TRPM3: variants seen among roughly 807,000 people sequenced by gnomAD.
TRPM3 encodes the protein long transient receptor potential channel 3.
TRPM3 carries 77 observed loss-of-function variants against 181.2 expected under a neutral mutation model. The observed-to-expected ratio is 0.42, with a 90% CI of 0.35 to 0.51. The LOEUF (loss-of-function observed/expected upper bound fraction) is 0.51, where lower values mean the gene tolerates loss of function less well. TRPM3 is among the 20% of genes least tolerant of loss of function. The pLI is 0.01. For synonymous variants in TRPM3, 745 were observed against 796.4 expected (o/e 0.94, Z 1.09); for missense variants, 1,759 against 2,196.7 (o/e 0.80, Z 3.98).
intron 8 of TRPM3, among the ~76,000 whole-genome samples, chr9:70,754,297 A>G (rs956484413): frequency 2.0e-5 from 3 of 152,174 alleles, no homozygotes; most frequent in African/African-American, 4.8e-5. Context: ...GAGGAAGATA[A>G]TAGAGAGACA....
chr9:70,806,081 C>T (rs1412111873), intron 6 of TRPM3, among the ~76,000 whole-genome samples: 1 of 152,164 alleles, frequency 6.6e-6, no homozygotes, highest in Non-Finnish European at 1.5e-5. Context: ...GCCCAGTACC[C>T]CATGTGAACC....
chr9:70,850,667 G>A (rs1483752655), intron 3 of TRPM3, among the ~76,000 whole-genome samples: 2 of 152,166 alleles, frequency 1.3e-5, no homozygotes, highest in Non-Finnish European at 2.9e-5. Context: ...GAGTAGTGTG[G>A]TTTAGCGACT....
chr9:70,640,454 C>A (rs2057892159), intron 10 of TRPM3, 106 bp downstream of exon 10: 1 of 831,456 alleles, frequency 1.2e-6, no homozygotes, highest in Admixed American at 2.4e-5. Flanking sequence ...CACATTCCAT[C>A]TTAAAGAAAA....
At chr9:71,342,013 T>C (rs549495456) in intron 1 of TRPM3, among the ~76,000 whole-genome samples, 20 of 151,808 alleles carry the variant, frequency 1.3e-4, no homozygotes, top group African/African-American at 4.6e-4. Context: ...TTTAAAATGG[T>C]TTAAGAATGG....
chr9:71,024,677 G>A (rs2097877706), intron 1 of TRPM3, among the ~76,000 whole-genome samples: 1 of 152,202 alleles, frequency 6.6e-6, no homozygotes, highest in Admixed American at 6.5e-5. Flanking sequence ...TGTTAGGAGG[G>A]TTAAATAAGT....
chr9:71,225,549 C>T (rs1308116064), intron 1 of TRPM3, among the ~76,000 whole-genome samples: 1 of 152,134 alleles, frequency 6.6e-6, no homozygotes, highest in Non-Finnish European at 1.5e-5. Flanking sequence ...GTACAAAACT[C>T]ACTGCTAATA....
chr9:70,629,755 G>A (rs2065454593), intron 12 of TRPM3, among the ~76,000 whole-genome samples: 1 of 152,252 alleles, frequency 6.6e-6, no homozygotes, highest in East Asian at 1.9e-4. Context: ...ATATTTGGAG[G>A]AGTGAAAATT....
intron 1 of TRPM3, among the ~76,000 whole-genome samples, chr9:71,437,880 A>G (rs1317580950): frequency 1.5e-3 from 214 of 141,808 alleles, no homozygotes; most frequent in African/African-American, 4.5e-3. Context: ...AAAAAAAAAA[A>G]GAAAAAAAAA....
chr9:71,213,632 G>GT (rs1587985062), intron 1 of TRPM3, among the ~76,000 whole-genome samples: 1 of 151,928 alleles, frequency 6.6e-6, no homozygotes, highest in African/African-American at 2.4e-5. Context: ...GTTTTGTTTT[G>GT]TTTTTTGACT....
At chr9:70,563,975 T>C (rs917996781) in intron 22 of TRPM3, among the ~76,000 whole-genome samples, 1 of 152,214 alleles carries the variant, frequency 6.6e-6, no homozygotes, top group African/African-American at 2.4e-5. Flanking sequence ...GTAGTTTTGT[T>C]TTCTTACAAT....
In TRPM3 at chr9:71,162,214, A is replaced by AAG. The variant is rs1213242375; in HGVS notation, c.183+284438_183+284439insCT. 7.3e-5 allele frequency among the ~76,000 whole-genome samples: 11 copies of AAG among 151,206 alleles called. No homozygotes were observed. The East Asian group carries it at 1.9e-3, about 27-fold the overall frequency. On this transcript the variant is annotated intron_variant, in intron 1 of 24. Coordinates refer to the TRPM3 transcript ENST00000357533. Reference sequence around the variant, plus strand: ...GACTCTGTCTCAAAAAAAAAAAAAAAAAAAAAGAAGAAAAAGAAAAAGAAA... The same window carrying AAG: ...GACTCTGTCTCAAAAAAAAAAAAAAAAGAAAAAAGAAGAAAAAGAAAAAGAAA...
intron 5 of TRPM3, among the ~76,000 whole-genome samples, chr9:70,842,308 C>G (rs2094723642): frequency 6.6e-6 from 1 of 152,084 alleles, no homozygotes; most frequent in African/African-American, 2.4e-5. Flanking sequence ...GTAACTCATA[C>G]TACACATTTT....
chr9:71,142,480 TCATATATA>T (rs1182391526), intron 1 of TRPM3, among the ~76,000 whole-genome samples: 1 of 152,110 alleles, frequency 6.6e-6, no homozygotes, highest in Non-Finnish European at 1.5e-5. Flanking sequence ...TTTTACATTT[TCATATATA>T]CATATATATA....
At chr9:70,774,472 A>G (rs2080958118) in intron 7 of TRPM3, 1 of 152,184 alleles carries the variant, frequency 6.6e-6, no homozygotes, top group Non-Finnish European at 1.5e-5. Flanking sequence ...ATGAACTATT[A>G]GTAGTTACGT....
intron 5 of TRPM3, among the ~76,000 whole-genome samples, chr9:70,841,579 T>C (rs748707325): frequency 2.7e-5 from 4 of 145,576 alleles, no homozygotes; most frequent in African/African-American, 5.0e-5. Context: ...GGAATCAAAC[T>C]AAGTGTCCAT....
intron 16 of TRPM3, 47 bp from the exon 17 acceptor site, chr9:70,619,142 CTT>C: frequency 1.3e-6 from 2 of 1,542,480 alleles, no homozygotes. Context: ...AGCTTGGAGA[CTT>C]ATAAGGTAAA....
At chr9:70,828,109 AG>A in intron 5 of TRPM3, 91 bp from the exon 6 acceptor site, 1 of 1,295,436 alleles carries the variant, frequency 7.7e-7, no homozygotes, top group Non-Finnish European at 1.1e-6. Flanking sequence ...AGAGGAAGAA[AG>A]AACATCAGTT....
intron 5 of TRPM3, among the ~76,000 whole-genome samples, chr9:70,841,917 T>A (rs1326452862): frequency 6.6e-6 from 1 of 151,600 alleles, no homozygotes; most frequent in Non-Finnish European, 1.5e-5. Flanking sequence ...AATATGGACA[T>A]TGGACACTAC....
At chr9:71,381,191 C>G (rs952300264) in intron 1 of TRPM3, among the ~76,000 whole-genome samples, 1 of 151,982 alleles carries the variant, frequency 6.6e-6, no homozygotes, top group South Asian at 2.1e-4. Flanking sequence ...AACTCTCAGG[C>G]AATAATAAAT....
Sources: allele counts gnomAD v4.1 joint callset (sites outside exome capture counted in the v4.1 genomes callset), GRCh38; gene constraint gnomAD v4.1.1; transcripts MANE v1.5; gene names NCBI Gene and HGNC (gene_info 2026-07-23, HGNC 2026-07-21).